The following UBE2Q1 variants were observed in gnomAD, a reference collection of about 807,000 sequenced individuals.
UBE2Q1 encodes ubiquitin-conjugating enzyme E2 Q1.
Under a neutral mutation model 60.1 loss-of-function variants are expected in UBE2Q1, and 6 were observed. The observed-to-expected ratio is 0.10, with a 90% confidence interval of 0.05 to 0.20. UBE2Q1 has a LOEUF of 0.20. Among genes scored for constraint, UBE2Q1 ranks in the 10% least tolerant of loss-of-function variants. UBE2Q1 has a pLI of 1.00. For synonymous variants in UBE2Q1, 226 were observed against 208.3 expected (o/e 1.09, Z -0.73); for missense variants, 262 against 525.8 (o/e 0.50, Z 4.91).
At chr1:154,555,149 G>C (rs1382946077) in intron 3 of UBE2Q1, 11 of 559,148 alleles carry the variant, frequency 2.0e-5, no homozygotes, top group Middle Eastern at 9.5e-4. Context: ...GCCACCAACT[G>C]TTATTGCTAA....
At chr1:154,551,642 G>GT in intron 10 of UBE2Q1, 129 bp downstream of exon 10, 1 of 1,471,578 alleles carries the variant, frequency 6.8e-7, no homozygotes, top group Non-Finnish European at 9.5e-7. Flanking sequence ...AGGTCAGTGG[G>GT]TGCAGACCCA....
At chr1:154,554,569 G>A in intron 4 of UBE2Q1, 166 bp downstream of exon 4, 2 of 651,372 alleles carry the variant, frequency 3.1e-6, no homozygotes, top group East Asian at 2.9e-5. Context: ...GGATATGGGT[G>A]CCCTGTCTCC....
At chr1:154,553,945 A>G (rs1695839875) in intron 4 of UBE2Q1, among the ~76,000 whole-genome samples, 1 of 152,226 alleles carries the variant, frequency 6.6e-6, no homozygotes, top group Non-Finnish European at 1.5e-5. Flanking sequence ...ACACGGTTAT[A>G]GAACCTGGGA....
At chr1:154,550,894 T>C in intron 12 of UBE2Q1, 44 bp downstream of exon 12, 1 of 1,613,788 alleles carries the variant, frequency 6.2e-7, no homozygotes, top group Non-Finnish European at 8.5e-7. Context: ...AAAACCTGGG[T>C]GTGGCAAGTG....
chr1:154,552,014 G>A, intron 8 of UBE2Q1, 35 bp from the exon 9 acceptor site: 1 of 1,614,098 alleles, frequency 6.2e-7, no homozygotes, highest in Non-Finnish European at 8.5e-7. Flanking sequence ...AGGGGAGGGA[G>A]GCCAGCATCC....
chr1:154,550,562 T>TA, intron 12 of UBE2Q1, 93 bp from the exon 13 acceptor site: 6 of 1,592,528 alleles, frequency 3.8e-6, no homozygotes, highest in Non-Finnish European at 5.1e-6. Context: ...GTGGCAGAGA[T>TA]AAGAGGATAT....
At chr1:154,555,249 G>T (rs1695863152) in intron 3 of UBE2Q1, among the ~76,000 whole-genome samples, 179 bp downstream of exon 3, 1 of 152,214 alleles carries the variant, frequency 6.6e-6, no homozygotes, top group African/African-American at 2.4e-5. Context: ...AGCTACCAGT[G>T]CCCCATTTAG....
intron 2 of UBE2Q1, 49 bp downstream of exon 2, chr1:154,555,811 C>T (rs1216745125): frequency 6.5e-7 from 1 of 1,541,658 alleles, no homozygotes; most frequent in South Asian, 1.1e-5. Flanking sequence ...GCCTTTGTGG[C>T]ATGGGCCTCA....
At position 154,552,749 on chromosome 1, in the gene UBE2Q1, C is replaced by T. The variant is rs1405959967; in HGVS notation, c.801G>A (p.Gln267=). The T allele has an allele frequency of 1.2e-6, 2 of 1,614,040 alleles. No individual in the cohort carries two copies. The highest frequency in any genetic ancestry group is 2.7e-5 in the African/African-American group (2 of 74,944). ...MKELRDIYRS[Q]SFKGGNYAVE... is the part of the protein sequence containing the mutation. ...GGGCAAACTCACCGCCTTTGAAACT[C>T]TGTGATCGGTATATATCCCTGAGCT... Residue 267 remains glutamine, a synonymous_variant, in exon 6 of 13, where the codon CAG becomes CAA. Transcript: ENST00000292211.
Position 154,558,566 on chromosome 1 carries a change from T to C in UBE2Q1, c.-13A>G. 1 of 1,026,724 alleles carries C rather than the reference T, an allele frequency of 9.7e-7. No homozygotes were observed. Among genetic ancestry groups the C allele is most frequent in the Non-Finnish European group, 1.2e-6 (1 of 866,918 alleles). The allele number at this position is 1,026,724 out of a possible 1,614,324, so 63.6% of individuals were successfully genotyped here. On this transcript the variant is annotated 5_prime_UTR_variant, in exon 1 of 13. Coordinates refer to ENST00000292211, the MANE Select transcript of UBE2Q1 (RefSeq NM_017582.7). ...GCGGCTGCTGCATCCTCCGCTCCGCTCCGCTCCGGGGCCGGCGGGCCGGGA... is the reference window on the plus strand; with the variant it reads ...GCGGCTGCTGCATCCTCCGCTCCGCCCCGCTCCGGGGCCGGCGGGCCGGGA...
intron 11 of UBE2Q1, 40 bp downstream of exon 11, chr1:154,551,357 C>T: frequency 6.2e-7 from 1 of 1,600,672 alleles, no homozygotes; most frequent in Non-Finnish European, 8.6e-7. Context: ...GTGTACTTGG[C>T]TCCACCCAGC....
intron 11 of UBE2Q1, 159 bp downstream of exon 11, chr1:154,551,238 C>G: frequency 1.2e-6 from 1 of 861,068 alleles, no homozygotes; most frequent in South Asian, 1.6e-5. Context: ...GGCCAAGGCA[C>G]AGTTGTTCCA....
At chr1:154,552,360 C>T in intron 7 of UBE2Q1, 44 bp downstream of exon 7, 2 of 1,611,950 alleles carry the variant, frequency 1.2e-6, no homozygotes, top group Admixed American at 1.7e-5. Context: ...GCCCCACTCA[C>T]ACTCCTCCTC....
chr1:154,555,640 G>A (rs1695870921), intron 2 of UBE2Q1, 108 bp from the exon 3 acceptor site: 1 of 1,084,752 alleles, frequency 9.2e-7, no homozygotes, highest in African/African-American at 1.5e-5. Context: ...AGTTCTCTAA[G>A]CCTTATGGGC....
At position 154,550,222 on chromosome 1, in the gene UBE2Q1, G is replaced by T; in HGVS notation, c.*216C>A. 3.5e-6 allele frequency: 2 copies of T among 573,204 alleles called. No individual in the cohort carries two copies. The highest frequency in any genetic ancestry group is 6.0e-6 in the Non-Finnish European group (2 of 335,310). The allele number at this position is 573,204 out of a possible 1,614,324, so 35.5% of individuals were successfully genotyped here. A position where few individuals can be genotyped will look rare whatever the true frequency, so the allele number is the denominator to read the frequency against. On this transcript the variant is annotated 3_prime_UTR_variant, in exon 13 of 13. Coordinates refer to ENST00000292211, the MANE Select transcript of UBE2Q1 (RefSeq NM_017582.7). ...AAGGGTTCCAGCAAGGTGGTTGGTT[G>T]GTCTGTAAGTCAGTCTTGAGTACTT...
In UBE2Q1 at chr1:154,555,967, G is replaced by C. The variant is rs771521616; in HGVS notation, c.328-3C>G. 6.2e-7 allele frequency: 1 copy of C among 1,613,384 alleles called. No homozygotes were observed. Among genetic ancestry groups the C allele is most frequent in the Non-Finnish European group, 8.5e-7 (1 of 1,179,618 alleles). On this transcript the variant is annotated splice_polypyrimidine_tract_variant and splice_region_variant and intron_variant, in intron 1 of 12. Coordinates refer to ENST00000292211, the MANE Select transcript of UBE2Q1 (RefSeq NM_017582.7). ...GGGGGCACAGCAGGGTATGACTCCT[G>C]AAGGGAAAAGAGCAATAAGAGCAAT...
At chr1:154,552,582 T>C (rs1695810632) in intron 6 of UBE2Q1, 118 bp from the exon 7 acceptor site, 1 of 1,451,850 alleles carries the variant, frequency 6.9e-7, no homozygotes, top group African/African-American at 1.4e-5. Flanking sequence ...TCACCACAGA[T>C]GGACATGCAA....
rs59938388 is a variant in UBE2Q1 at position 154,550,482 on chromosome 1, G to A, written c.1238-13C>T. 949 of 1,613,908 alleles carry A rather than the reference G, an allele frequency of 5.9e-4. 5 individuals carry two copies. The African/African-American group carries it at 0.01, about 18-fold the overall frequency. On this transcript the variant is annotated splice_polypyrimidine_tract_variant and intron_variant, in intron 12 of 12. Coordinates refer to ENST00000292211, the MANE Select transcript of UBE2Q1 (RefSeq NM_017582.7). ...GGTGTGTACCAGCCTGCAAAGAAATGGAATGGTCAGTGAGGTGAAGGTTCA... is the reference window on the plus strand; with the variant it reads ...GGTGTGTACCAGCCTGCAAAGAAATAGAATGGTCAGTGAGGTGAAGGTTCA...
At chr1:154,554,864 C>G (rs1027829263) in intron 3 of UBE2Q1, 79 bp from the exon 4 acceptor site, 10 of 1,491,970 alleles carry the variant, frequency 6.7e-6, no homozygotes, top group Admixed American at 1.9e-5. Context: ...CTCCCCTGAG[C>G]CCCCAGGTCT....
Sources: allele counts gnomAD v4.1 joint callset (sites outside exome capture counted in the v4.1 genomes callset), GRCh38; gene constraint gnomAD v4.1.1; transcripts MANE v1.5; gene names NCBI Gene and HGNC (gene_info 2026-07-23, HGNC 2026-07-21).